CFAP65: variants seen among roughly 807,000 people sequenced by gnomAD.
CFAP65 encodes cilia- and flagella-associated protein 65.
Under a neutral mutation model 208.0 loss-of-function variants are expected in CFAP65, and 155 were observed. That is an observed-to-expected ratio of 0.75 (90% CI 0.65 to 0.85). The LOEUF (loss-of-function observed/expected upper bound fraction) is 0.85, where lower values mean the gene tolerates loss of function less well. CFAP65 is among the 40% of genes least tolerant of loss of function. CFAP65 has a pLI of 0.00. For synonymous variants in CFAP65, 970 were observed against 986.3 expected, an observed-to-expected ratio of 0.98 and a Z score of 0.31; for missense variants, 2,294 against 2,451.3, an observed-to-expected ratio of 0.94 and a Z score of 1.36.
intron 24 of CFAP65, among the ~76,000 whole-genome samples, chr2:219,012,798 A>T (rs13032149): frequency 0.011 from 1,732 of 152,344 alleles, 23 homozygotes; most frequent in Non-Finnish European, 0.014. Context: ...ATCTAAATCA[A>T]TGTTGTGGGT....
At position 219,026,851 on chromosome 2, in the gene CFAP65, C is replaced by T. The variant is rs1362163186; in HGVS notation, c.2212-692G>A. 1.0e-5 allele frequency: 10 copies of T among 986,420 alleles called. No individual in the cohort carries two copies. In the African/African-American group the frequency reaches 1.0e-4, roughly 10 times the overall value. The allele number at this position is 986,420 out of a possible 1,614,324, so 61.1% of individuals were successfully genotyped here. On this transcript the variant is annotated intron_variant, in intron 13 of 34. Coordinates refer to ENST00000341552, the MANE Select transcript of CFAP65 (RefSeq NM_194302.4). ...CATCTACAACCTTATTCCTACAAAC[C>T]TCAACATCACCCCACTGCCAGAGCA...
Position 219,002,911 on chromosome 2 carries a change from A to T in CFAP65, c.*26T>A. ...GGGGCCAGGCGTGACCCCTAGCGGC[A>T]TGTCGGAGAGGCTGGGCGCGGGCAT... On this transcript the variant is annotated 3_prime_UTR_variant, in exon 35 of 35. Coordinates refer to ENST00000341552, the MANE Select transcript of CFAP65 (RefSeq NM_194302.4). This position sits in a 1 kb window ranked among gnomAD's most constrained non-coding sequence, Gnocchi z 7.9. 1 of 1,554,346 alleles carries T rather than the reference A, an allele frequency of 6.4e-7. No homozygotes were observed. The highest frequency in any genetic ancestry group is 8.7e-7 in the Non-Finnish European group (1 of 1,146,326).
rs761498672 is a variant in CFAP65 at position 219,013,557 on chromosome 2, G to A, written c.3808C>T (p.Pro1270Ser). ...SHLFIGTDHL[P>S]VLFKVSHGRE... ...CCATGGGACACCTTGAAGAGCACTGGGAGGTGATCAGTACCGATGAACAGG... is the reference window on the plus strand; with the variant it reads ...CCATGGGACACCTTGAAGAGCACTGAGAGGTGATCAGTACCGATGAACAGG... The change falls in exon 23 of 35, where the codon CCA becomes TCA. Residue 1270 changes from proline (P) to serine (S), a missense_variant. Transcript: ENST00000341552. 3 of 1,601,448 alleles carry A rather than the reference G, an allele frequency of 1.9e-6. No homozygotes were observed. In the Admixed American group the frequency reaches 5.2e-5, roughly 28 times the overall value.
intron 26 of CFAP65, 82 bp downstream of exon 26, chr2:219,010,464 C>T: frequency 6.9e-7 from 1 of 1,446,632 alleles, no homozygotes; most frequent in Non-Finnish European, 9.4e-7. Flanking sequence ...CCCTCCCAGC[C>T]TCCCCATCCT....
Position 219,027,274 on chromosome 2 carries a change from C to CCTG in CFAP65, c.2211+373_2211+375dup. On this transcript the variant is annotated intron_variant, in intron 13 of 34. Coordinates refer to ENST00000341552, the MANE Select transcript of CFAP65 (RefSeq NM_194302.4). The stretch of plus-strand genomic sequence containing the variant: ...CTGACTTTGTCTCTAGGCCCAGCTT[C>CCTG]CTGCCCGCTCAAAGCTCCTTTAGAG... The CCTG allele has an allele frequency of 4.4e-6, 6 of 1,377,028 alleles. No homozygotes were observed. In the South Asian group the frequency reaches 9.8e-5, roughly 23 times the overall value. 85.3% of individuals were successfully genotyped at this position (1,377,028 alleles called of 1,614,324 possible). A position where few individuals can be genotyped will look rare whatever the true frequency, so the allele number is the denominator to read the frequency against.
At chr2:219,029,123 G>A (rs1947847247) in intron 11 of CFAP65, among the ~76,000 whole-genome samples, 1 of 152,224 alleles carries the variant, frequency 6.6e-6, no homozygotes, top group African/African-American at 2.4e-5. Context: ...GGGAGGGTGG[G>A]AGGCTGCGAG....
chr2:219,039,158 T>A (rs905984743), intron 2 of CFAP65, 108 bp from the exon 3 acceptor site: 2 of 989,462 alleles, frequency 2.0e-6, no homozygotes, highest in Non-Finnish European at 3.0e-6. Context: ...TATATTTGTA[T>A]ATATGCCAGA....
Position 219,031,061 on chromosome 2 carries a change from G to T in CFAP65, c.1015+45C>A, listed in dbSNP as rs1947988879. ...CACTGAGGCCTGGAGGACCCAGAAG[G>T]TGCAGGAGGGGCCAGTCTGGGGACG... On this transcript the variant is annotated intron_variant, in intron 8 of 34. Transcript: ENST00000341552. This position sits in a 1 kb window ranked among gnomAD's most constrained non-coding sequence, Gnocchi z 5.2. 1.3e-6 allele frequency: 2 copies of T among 1,547,342 alleles called. No homozygotes were observed. The highest frequency in any genetic ancestry group is 2.0e-5 in the Admixed American group (1 of 51,250).
rs919844252 is a variant in CFAP65 at position 219,024,221 on chromosome 2, T to C, written c.2389A>G (p.Ser797Gly). 1 of 1,613,704 alleles carries C rather than the reference T, an allele frequency of 6.2e-7. No individual in the cohort carries two copies. The highest frequency in any genetic ancestry group is 1.7e-5 in the Admixed American group (1 of 60,030). Reference protein sequence around the residue: ...AVSSGEPTYRSLLLVNKDCKL... With the variant: ...AVSSGEPTYRGLLLVNKDCKL... ...CAGTCTTTGTTGACCAGGAGCAGGC[T>C]GCGGTAGGTGGGCTCACCGGAGGAC... Residue 797 changes from serine to glycine, a missense_variant, in exon 15 of 35, where the codon AGC becomes GGC. Coordinates refer to ENST00000341552, the MANE Select transcript of CFAP65 (RefSeq NM_194302.4).
intron 18 of CFAP65, among the ~76,000 whole-genome samples, 183 bp from the exon 19 acceptor site, chr2:219,021,463 G>C (rs962249247): frequency 4.6e-5 from 7 of 152,232 alleles, no homozygotes; most frequent in South Asian, 4.2e-4. Flanking sequence ...TGTGTCATTG[G>C]CACCTGCTAA....
chr2:219,003,143 G>A lies in CFAP65; in HGVS notation c.5685C>T (p.Cys1895=). Reference sequence around the variant, plus strand: ...GGTCCCGGCGCCCTTACCTGGGCACGCAGAACGGCGGCAGGGCGATGACGC... The same window carrying A: ...GGTCCCGGCGCCCTTACCTGGGCACACAGAACGGCGGCAGGGCGATGACGC... ...RPRVIALPPF[C]VPRSLTPDTL... is the part of the protein sequence containing the mutation. The change falls in exon 34 of 35, where the codon TGC becomes TGT. Residue 1895 remains cysteine, a synonymous_variant. Transcript: ENST00000341552. The surrounding 1 kb of genome is among the most constrained non-coding windows in gnomAD (Gnocchi z 4.4). 6.5e-7 allele frequency: 1 copy of A among 1,543,654 alleles called. No individual in the cohort carries two copies. The highest frequency in any genetic ancestry group is 8.8e-7 in the Non-Finnish European group (1 of 1,142,608).
chr2:219,010,142 GC>G, intron 26 of CFAP65, 57 bp from the exon 27 acceptor site: 4 of 1,503,808 alleles, frequency 2.7e-6, no homozygotes, highest in Non-Finnish European at 3.6e-6. Context: ...GGTGGCTCAC[GC>G]CTGTAATCCC....
intron 4 of CFAP65, among the ~76,000 whole-genome samples, chr2:219,036,086 C>G (rs58131656): frequency 0.17 from 25,113 of 152,136 alleles, 2,737 homozygotes; most frequent in African/African-American, 0.32. Flanking sequence ...CTAGCTAGAG[C>G]AGTCTATCCC....
In CFAP65 at chr2:219,038,983, T is replaced by C. The variant is rs893079637; in HGVS notation, c.66A>G (p.Ser22=). Residue 22 remains serine, a synonymous_variant, in exon 3 of 35, where the codon TCA becomes TCG. Transcript: ENST00000341552. The part of the protein sequence containing the change: ...KTQKVENPSV[S]FASSFPLIPL... Reference sequence around the variant, plus strand: ...GAATAAGGGGGAAAGAAGAGGCAAATGAGACTGATGGATTCTCCACCTTCT... The same window carrying C: ...GAATAAGGGGGAAAGAAGAGGCAAACGAGACTGATGGATTCTCCACCTTCT... 3.0e-5 allele frequency: 48 copies of C among 1,613,730 alleles called. No homozygotes were observed. The highest frequency in any genetic ancestry group is 3.6e-5 in the Non-Finnish European group (43 of 1,179,848).
At position 219,030,023 on chromosome 2, in the gene CFAP65, G is replaced by T. The variant is rs1947910543; in HGVS notation, c.1347C>A (p.Ala449=). 6.2e-7 allele frequency: 1 copy of T among 1,614,024 alleles called. No individual in the cohort carries two copies. The highest frequency in any genetic ancestry group is 1.3e-5 in the African/African-American group (1 of 74,912). The part of the protein sequence containing the change: ...DYCSIMPSGC[A]SKTLLKVVGF... ...CAACGACTTTAAGCAGGGTCTTGGAGGCACAGCCAGAAGGCATGATGGAGC... is the reference window on the plus strand; with the variant it reads ...CAACGACTTTAAGCAGGGTCTTGGATGCACAGCCAGAAGGCATGATGGAGC... Residue 449 remains alanine (A), a synonymous_variant, in exon 10 of 35, where the codon GCC becomes GCA. Transcript: ENST00000341552.
chr2:219,022,351 C>T, intron 16 of CFAP65, 22 bp from the exon 17 acceptor site: 1 of 1,579,106 alleles, frequency 6.3e-7, no homozygotes, highest in Non-Finnish European at 8.6e-7. Context: ...GAAATGATCC[C>T]TGCAGTGGCC....
At chr2:219,013,433 C>T in intron 23 of CFAP65, 64 bp from the exon 24 acceptor site, 5 of 1,542,406 alleles carry the variant, frequency 3.2e-6, no homozygotes, top group Non-Finnish European at 4.4e-6. Context: ...CCCAGTTCCC[C>T]AGGAGAACAC....
chr2:219,030,045 G>C lies in CFAP65; in HGVS notation c.1325C>G (p.Ser442Cys). ...GGAGGCACAGCCAGAAGGCATGATG[G>C]AGCAGTAGTCCACAGTTCTGGTGTC... ...TLDTRTVDYC[S>C]IMPSGCASKT... The change falls in exon 10 of 35, where the codon TCC (serine) becomes TGC (cysteine). Residue 442 changes from serine (S) to cysteine (C), a missense_variant. Around this residue, in one of 2 missense-constraint regions of CFAP65, gnomAD observed 867 missense variants for 1,012.6 expected, o/e 0.86. Transcript: ENST00000341552. The C allele has an allele frequency of 6.2e-7, 1 of 1,614,084 alleles. No homozygotes were observed. Among genetic ancestry groups the C allele is most frequent in the Non-Finnish European group, 8.5e-7 (1 of 1,180,002 alleles).
rs866065833 is a variant in CFAP65 at position 219,018,960 on chromosome 2, C to T, written c.3602+91G>A. ...TCTTCACAGACAGCAAGCAGCCAGG[C>T]CACCACGGGCAAGAGAGTGCAGCTC... On this transcript the variant is annotated intron_variant, in intron 21 of 34. Coordinates refer to ENST00000341552, the MANE Select transcript of CFAP65 (RefSeq NM_194302.4). 10 of 1,551,486 alleles carry T rather than the reference C, an allele frequency of 6.4e-6. No homozygotes were observed. In the Middle Eastern group the frequency reaches 9.2e-4, roughly 143 times the overall value.
Sources: allele counts gnomAD v4.1 joint callset (sites outside exome capture counted in the v4.1 genomes callset), GRCh38; gene constraint gnomAD v4.1.1; regional missense constraint gnomAD v4.1.1; non-coding constraint Gnocchi (gnomAD v3.1); transcripts MANE v1.5; gene names NCBI Gene and HGNC (gene_info 2026-07-23, HGNC 2026-07-21).